The following RHEB variants were observed in gnomAD, a reference collection of about 807,000 sequenced individuals.
RHEB encodes the protein GTP-binding protein Rheb.
A neutral mutation model predicts 28.8 loss-of-function variants in RHEB; 2 were observed. The observed-to-expected ratio is 0.07, with a 90% confidence interval of 0.03 to 0.22. The LOEUF (loss-of-function observed/expected upper bound fraction) is 0.22. RHEB is among the 10% of genes least tolerant of loss of function. The pLI is 1.00. For synonymous variants in RHEB, 69 were observed against 77.3 expected, an observed-to-expected ratio of 0.89 and a Z score of 0.56; for missense variants, 76 against 219.9, an observed-to-expected ratio of 0.35 and a Z score of 4.14.
chr7:151,503,397 C>A, intron 1 of RHEB: 2 of 1,136,270 alleles, frequency 1.8e-6, no homozygotes, highest in Non-Finnish European at 2.7e-6. Context: ...TCCTGCAGTA[C>A]CGAGTAGATT....
At chr7:151,473,883 C>T (rs1162432066) in intron 4 of RHEB, among the ~76,000 whole-genome samples, 1 of 152,116 alleles carries the variant, frequency 6.6e-6, no homozygotes, top group African/African-American at 2.4e-5. Flanking sequence ...AAACGGTGCT[C>T]CTTAATAAGG....
chr7:151,467,364 C>T (rs1035498972), intron 7 of RHEB, among the ~76,000 whole-genome samples, 153 bp from the exon 8 acceptor site: 18 of 152,084 alleles, frequency 1.2e-4, no homozygotes, highest in Admixed American at 2.0e-4. Flanking sequence ...GGCCCCCCGA[C>T]GCCCAGTAAG....
chr7:151,501,858 A>G, intron 1 of RHEB: 1 of 593,926 alleles, frequency 1.7e-6, no homozygotes, highest in Non-Finnish European at 3.2e-6. Flanking sequence ...CTGGGCCCTT[A>G]GGGAAGAGGA....
rs192881027 is a variant in RHEB at position 151,467,717 on chromosome 7, G to A, written c.463-506C>T. Among the ~76,000 whole-genome samples, 13 of 152,124 alleles carry A rather than the reference G, an allele frequency of 8.5e-5. 1 individual carries two copies. Among genetic ancestry groups the A allele is most frequent in the Admixed American group, 7.2e-4 (11 of 15,272 alleles). On this transcript the variant is annotated intron_variant, in intron 7 of 7. Transcript: ENST00000262187. ...CCAACACCTCTGTGGCGTAATTCTC[G>A]GTCATTTCAATCCACAAACTGCCCT...
intron 1 of RHEB, chr7:151,519,088 G>A (rs546017120): frequency 6.5e-6 from 1 of 152,886 alleles, no homozygotes; most frequent in East Asian, 1.9e-4. Flanking sequence ...CGCGGCGAAG[G>A]CGGGGAGGCA....
In RHEB at chr7:151,509,529, C is replaced by T. The variant is rs1802946783; in HGVS notation, c.52+9931G>A. On this transcript the variant is annotated intron_variant, in intron 1 of 7. Coordinates refer to ENST00000262187, the MANE Select transcript of RHEB (RefSeq NM_005614.4). ...CTTCCACATTGGTCTTGCCCATTCT[C>T]CCTCTAAGGAAATCTCCCATGTGCG... 2.0e-5 allele frequency among the ~76,000 whole-genome samples: 3 copies of T among 152,194 alleles called. No homozygotes were observed. In the South Asian group the frequency reaches 6.2e-4, roughly 32 times the overall value.
chr7:151,517,368 C>CG (rs66502505), intron 1 of RHEB, among the ~76,000 whole-genome samples: 1 of 130,528 alleles, frequency 7.7e-6, no homozygotes. Flanking sequence ...AACTCCGTCT[C>CG]GGAAAAAAAA....
At chr7:151,509,096 T>A (rs1238811922) in intron 1 of RHEB, among the ~76,000 whole-genome samples, 1 of 152,200 alleles carries the variant, frequency 6.6e-6, no homozygotes, top group Non-Finnish European at 1.5e-5. Flanking sequence ...CAAGCAGGAA[T>A]GACAAACATC....
chr7:151,518,628 C>T (rs1347312423), intron 1 of RHEB, among the ~76,000 whole-genome samples: 2 of 152,140 alleles, frequency 1.3e-5, no homozygotes, highest in Non-Finnish European at 2.9e-5. Context: ...CCAACCCGAC[C>T]CTAAGCCACC....
intron 2 of RHEB, among the ~76,000 whole-genome samples, chr7:151,486,098 C>G (rs1389343919): frequency 6.6e-6 from 1 of 152,116 alleles, no homozygotes; most frequent in African/African-American, 2.4e-5. Context: ...CATCCTGCAC[C>G]GCTGGAGGTT....
At chr7:151,498,955 C>G (rs1802720921) in intron 1 of RHEB, among the ~76,000 whole-genome samples, 2 of 152,230 alleles carry the variant, frequency 1.3e-5, no homozygotes, top group South Asian at 4.1e-4. Flanking sequence ...ACTCAAGTAT[C>G]TATCTGTTAA....
intron 1 of RHEB, chr7:151,502,228 C>CAAAAA (rs34312270): frequency 9.0e-6 from 3 of 332,192 alleles, no homozygotes; most frequent in East Asian, 5.7e-5. Context: ...AGAGCTGTCT[C>CAAAAA]AAAAAAAAAA....
intron 1 of RHEB, chr7:151,502,899 C>A (rs554486331): frequency 1.9e-5 from 16 of 829,592 alleles, no homozygotes; most frequent in Admixed American, 1.2e-4. Flanking sequence ...AGGTTACAAT[C>A]GAAAGTTTTA....
intron 2 of RHEB, among the ~76,000 whole-genome samples, chr7:151,488,088 A>G (rs1214509213): frequency 6.6e-6 from 1 of 152,236 alleles, no homozygotes; most frequent in Non-Finnish European, 1.5e-5. Flanking sequence ...AGATGGCAGA[A>G]GTCGGAAATT....
Position 151,466,954 on chromosome 7 carries a change from A to G in RHEB, c.*165T>C, listed in dbSNP as rs1802074331. 1.8e-6 allele frequency: 1 copy of G among 561,938 alleles called. No individual in the cohort carries two copies. Among genetic ancestry groups the G allele is most frequent in the Admixed American group, 3.2e-5 (1 of 31,568 alleles). The allele number at this position is 561,938 out of a possible 1,614,324, so 34.8% of individuals were successfully genotyped here. On this transcript the variant is annotated 3_prime_UTR_variant, in exon 8 of 8. Coordinates refer to ENST00000262187, the MANE Select transcript of RHEB (RefSeq NM_005614.4). ...TGAAAATGGAAGTGAACTCATTTGG[A>G]CAGACTCAGAGTTAACATAATCTGA... is the stretch of plus-strand genomic sequence containing the variant.
chr7:151,515,764 A>G (rs1803066344), intron 1 of RHEB, among the ~76,000 whole-genome samples: 1 of 152,262 alleles, frequency 6.6e-6, no homozygotes, highest in South Asian at 2.1e-4. Flanking sequence ...TTCCTCATGA[A>G]GACTCTAAAT....
At chr7:151,491,631 G>A (rs1303102672) in intron 1 of RHEB, among the ~76,000 whole-genome samples, 1 of 152,062 alleles carries the variant, frequency 6.6e-6, no homozygotes, top group Non-Finnish European at 1.5e-5. Flanking sequence ...CAGCTACTTG[G>A]GAGGCTGAGA....
intron 1 of RHEB, among the ~76,000 whole-genome samples, chr7:151,492,823 G>T (rs1466968342): frequency 6.7e-6 from 1 of 148,734 alleles, no homozygotes. Flanking sequence ...ATTGCAATTA[G>T]AATAAATTCT....
chr7:151,481,791 G>A (rs554659526), intron 3 of RHEB, among the ~76,000 whole-genome samples: 32 of 152,294 alleles, frequency 2.1e-4, no homozygotes, highest in African/African-American at 6.3e-4. Context: ...AATATAACCC[G>A]AAGGGGCAAG....
Sources: allele counts gnomAD v4.1 joint callset (sites outside exome capture counted in the v4.1 genomes callset), GRCh38; gene constraint gnomAD v4.1.1; transcripts MANE v1.5; gene names NCBI Gene and HGNC (gene_info 2026-07-23, HGNC 2026-07-21).